KDM3B: variants seen among roughly 807,000 people sequenced by gnomAD.
KDM3B encodes the protein lysine demethylase 3B.
KDM3B carries 10 observed loss-of-function variants against 170.0 expected under a neutral mutation model. The observed-to-expected ratio is 0.06, with a 90% CI of 0.04 to 0.10. The LOEUF (loss-of-function observed/expected upper bound fraction) is 0.10. Among genes scored for constraint, KDM3B ranks in the 10% least tolerant of loss-of-function variants. The pLI is 1.00. For synonymous variants in KDM3B, 831 were observed against 834.8 expected, an observed-to-expected ratio of 1.00 and a Z score of 0.08; for missense variants, 1,394 against 2,195.2, an observed-to-expected ratio of 0.64 and a Z score of 7.29.
chr5:138,431,308 A>G (rs1763526434), intron 22 of KDM3B, 117 bp from the exon 23 acceptor site: 1 of 866,294 alleles, frequency 1.2e-6, no homozygotes, highest in Non-Finnish European at 1.7e-6. Context: ...GTTGTTATAA[A>G]AATGGAAATA....
intron 11 of KDM3B, among the ~76,000 whole-genome samples, chr5:138,407,609 T>C (rs62380956): frequency 0.4 from 60,628 of 151,794 alleles, 12,442 homozygotes; most frequent in East Asian, 0.58. Context: ...GTCCCAGATA[T>C]CAAGGTACAG....
At chr5:138,419,697 A>G (rs1763213424) in intron 14 of KDM3B, among the ~76,000 whole-genome samples, 1 of 134,122 alleles carries the variant, frequency 7.5e-6, no homozygotes, top group Admixed American at 7.8e-5. Context: ...ATACATATAT[A>G]TATACACACA....
chr5:138,381,700 T>G (rs1214880805), intron 6 of KDM3B, 110 bp downstream of exon 6: 1 of 668,358 alleles, frequency 1.5e-6, no homozygotes, highest in African/African-American at 1.8e-5. Context: ...GTTGTTCAGC[T>G]TTAGCCACTG....
At chr5:138,414,901 G>A (rs1320018310) in intron 11 of KDM3B, among the ~76,000 whole-genome samples, 1 of 152,186 alleles carries the variant, frequency 6.6e-6, no homozygotes, top group Admixed American at 6.5e-5. Flanking sequence ...AGGTTGCGGT[G>A]AGCCATGATC....
intron 6 of KDM3B, among the ~76,000 whole-genome samples, chr5:138,384,484 T>G (rs542819606): frequency 2.6e-4 from 40 of 152,070 alleles, no homozygotes; most frequent in African/African-American, 9.6e-4. Flanking sequence ...ACACTTGTAA[T>G]TCCAGCACTT....
intron 2 of KDM3B, among the ~76,000 whole-genome samples, chr5:138,373,167 C>G (rs1196463704): frequency 6.6e-6 from 1 of 152,014 alleles, no homozygotes; most frequent in East Asian, 1.9e-4. Flanking sequence ...TGCCAAAACC[C>G]CATCTCTACA....
intron 1 of KDM3B, among the ~76,000 whole-genome samples, chr5:138,368,606 C>T (rs776007297): frequency 8.5e-5 from 13 of 152,106 alleles, no homozygotes; most frequent in Non-Finnish European, 1.8e-4. Context: ...AAGCGAAGTA[C>T]AGTCCTGGGC....
intron 22 of KDM3B, among the ~76,000 whole-genome samples, chr5:138,430,662 G>A (rs1289914636): frequency 2.0e-5 from 3 of 152,164 alleles, no homozygotes; most frequent in Non-Finnish European, 2.9e-5. Context: ...AGGCCGAGGC[G>A]GGTGGATCAC....
intron 11 of KDM3B, among the ~76,000 whole-genome samples, chr5:138,404,531 G>T (rs1156833568): frequency 6.6e-6 from 1 of 151,876 alleles, no homozygotes; most frequent in Non-Finnish European, 1.5e-5. Flanking sequence ...GGAGGCTGAG[G>T]CAGGAGAATC....
At chr5:138,380,532 A>G (rs1028688139) in intron 5 of KDM3B, among the ~76,000 whole-genome samples, 4 of 152,060 alleles carry the variant, frequency 2.6e-5, no homozygotes, top group Admixed American at 6.6e-5. Context: ...TTTCCACTAC[A>G]TGGATATATC....
At chr5:138,353,854 G>A (rs1272102822) in intron 1 of KDM3B, among the ~76,000 whole-genome samples, 1 of 152,168 alleles carries the variant, frequency 6.6e-6, no homozygotes, top group African/African-American at 2.4e-5. Flanking sequence ...TCTCGTTAAT[G>A]TGGCGGTAAA....
rs945598704 is a variant in KDM3B at position 138,387,888 on chromosome 5, T to C, written c.1380+1267T>C. 2.0e-5 allele frequency among the ~76,000 whole-genome samples: 3 copies of C among 152,238 alleles called. No individual in the cohort carries two copies. The South Asian group carries it at 6.2e-4, about 32-fold the overall frequency. On this transcript the variant is annotated intron_variant, in intron 7 of 23. Transcript: ENST00000314358. Reference sequence around the variant, plus strand: ...CAAGGTCAGGAGATCAAGACCATCCTGGCTAACACGGTGAAACCCCATCTC... The same window carrying C: ...CAAGGTCAGGAGATCAAGACCATCCCGGCTAACACGGTGAAACCCCATCTC...
At chr5:138,426,418 C>A (rs1312759241) in intron 17 of KDM3B, among the ~76,000 whole-genome samples, 2 of 150,644 alleles carry the variant, frequency 1.3e-5, no homozygotes, top group African/African-American at 4.9e-5. Context: ...ACTAAAAATA[C>A]AAAAAAATTA....
chr5:138,436,542 T>TC lies in KDM3B; in HGVS notation c.*843dup, dbSNP rs1419181496. 6.6e-6 allele frequency: 1 copy of TC among 152,194 alleles called. No individual in the cohort carries two copies. Among genetic ancestry groups the TC allele is most frequent in the South Asian group, 2.1e-4 (1 of 4,830 alleles). The allele number at this position is 152,194 out of a possible 1,614,324, so 9.4% of individuals were successfully genotyped here. A position where few individuals can be genotyped will look rare whatever the true frequency, so the allele number is the denominator to read the frequency against. ...TAGGATTCTTTTTCTCCCCCTCCCA[T>TC]CTTAGTCTTACCTTGAGGGAACAGT... On this transcript the variant is annotated 3_prime_UTR_variant, in exon 24 of 24. Transcript: ENST00000314358.
chr5:138,429,846 G>A lies in KDM3B; in HGVS notation c.4774G>A (p.Glu1592Lys), dbSNP rs749739158. The A allele has an allele frequency of 8.7e-6, 14 of 1,614,056 alleles. No individual in the cohort carries two copies. The highest frequency in any genetic ancestry group is 1.7e-5 in the Admixed American group (1 of 60,022). ...TTCAGAGGTACTCAAGACAATTGAC[G>A]AGGGAGATGCCGATGAGGTGACGAA... is the stretch of plus-strand genomic sequence containing the variant. ...HDEEVLKTIDEGDADEVTKQR... is the reference protein window; with the variant it reads ...HDEEVLKTIDKGDADEVTKQR... Residue 1592 changes from glutamate to lysine, a missense_variant, in exon 21 of 24, where the codon GAG (glutamate) becomes AAG (lysine). By Grantham distance (56) the Glu-to-Lys change is moderately conservative. Transcript: ENST00000314358.
intron 11 of KDM3B, among the ~76,000 whole-genome samples, chr5:138,406,981 A>ATTTT (rs745918786): frequency 9.2e-5 from 11 of 119,036 alleles, no homozygotes; most frequent in East Asian, 2.4e-4. Flanking sequence ...TATGCCAATA[A>ATTTT]TTTTTTTTTT....
At chr5:138,406,828 G>A (rs1029106995) in intron 11 of KDM3B, among the ~76,000 whole-genome samples, 3 of 152,008 alleles carry the variant, frequency 2.0e-5, no homozygotes, top group Non-Finnish European at 4.4e-5. Context: ...TCTTAGGTGG[G>A]AGGATCACTT....
Position 138,392,272 on chromosome 5 carries a change from T to G in KDM3B, c.2629+11T>G. On this transcript the variant is annotated intron_variant, in intron 8 of 23. Coordinates refer to ENST00000314358, the MANE Select transcript of KDM3B (RefSeq NM_016604.4). ...CTGCCCCCCTGAAAGGTGATCCTGC[T>G]GGGGCTATATTTGGGCTTTGCTCTG... 6.8e-7 allele frequency: 1 copy of G among 1,478,964 alleles called. No individual in the cohort carries two copies. The highest frequency in any genetic ancestry group is 9.0e-7 in the Non-Finnish European group (1 of 1,112,352). 91.6% of individuals were successfully genotyped at this position (1,478,964 alleles called of 1,614,324 possible).
intron 1 of KDM3B, among the ~76,000 whole-genome samples, chr5:138,361,438 A>G (rs1464116765): frequency 6.6e-6 from 1 of 151,766 alleles, no homozygotes; most frequent in Non-Finnish European, 1.5e-5. Context: ...GTAAATCCAC[A>G]TGCAAGGTTA....
Sources: gnomAD v4.1 joint callset for allele counts (sites outside exome capture counted in the v4.1 genomes callset) on GRCh38, gnomAD v4.1.1 for gene constraint, MANE v1.5 for transcripts, NCBI Gene and HGNC (gene_info 2026-07-23, HGNC 2026-07-21) for gene names.